The following CCDC150 variants were observed in gnomAD, a reference collection of about 807,000 sequenced individuals.
CCDC150 encodes coiled-coil domain-containing protein 150.
A neutral mutation model predicts 156.5 loss-of-function variants in CCDC150; 151 were observed. The ratio of observed to expected loss-of-function variants is 0.97; its 90% CI spans 0.85 to 1.10. CCDC150 has a LOEUF of 1.10. Ranked by LOEUF, CCDC150 falls within the 50% of genes least tolerant of loss-of-function variation. The probability of loss-of-function intolerance (pLI) is 0.00; values close to 1 mark genes in which losing one functional copy is unlikely to be tolerated. For synonymous variants in CCDC150, 452 were observed against 429.4 expected, an observed-to-expected ratio of 1.05 and a Z score of -0.65; for missense variants, 1,312 against 1,268.1, an observed-to-expected ratio of 1.03 and a Z score of -0.53.
chr2:196,712,358 T>C (rs1054257971), intron 16 of CCDC150, 106 bp downstream of exon 16: 4 of 643,422 alleles, frequency 6.2e-6, no homozygotes, highest in African/African-American at 5.5e-5. Flanking sequence ...AAGATAAATA[T>C]GCTGTCACTT....
rs376590781 is a variant in CCDC150 at position 196,666,794 on chromosome 2, CA to C, written c.849del (p.Glu284LysfsTer14). 36,162 of 917,042 alleles carry C rather than the reference CA, an allele frequency of 0.039. 7 individuals are homozygous for C. The highest frequency in any genetic ancestry group is 0.063 in the South Asian group (3,052 of 48,576). 56.8% of individuals were successfully genotyped at this position (917,042 alleles called of 1,614,324 possible). On this transcript the variant is annotated frameshift_variant, in exon 7 of 28. Coordinates refer to ENST00000389175, the MANE Select transcript of CCDC150 (RefSeq NM_001080539.2). LOFTEE classifies it high-confidence loss of function. ...CGCTCAAGAACTACTGGCCCAGGAA[CA>C]AAAAAAAAAAGAAGAGTTGGAGATT... ...QSAQELLAQE[Q>X]KKKEELEIAT... is the part of the protein sequence containing the mutation.
At chr2:196,665,245 T>C (rs1254265764) in intron 5 of CCDC150, among the ~76,000 whole-genome samples, 5 of 152,202 alleles carry the variant, frequency 3.3e-5, no homozygotes, top group Non-Finnish European at 7.3e-5. Flanking sequence ...ACTACTTGCA[T>C]GCACTCTGAT....
In CCDC150 at chr2:196,732,694, G is replaced by C; in HGVS notation, c.*132G>C. ...GATGTGGGCTGAAGATTTTGGACCT[G>C]AGTTTATCACTTTATGAACTCTTAT... On this transcript the variant is annotated 3_prime_UTR_variant, in exon 28 of 28. Coordinates refer to ENST00000389175, the MANE Select transcript of CCDC150 (RefSeq NM_001080539.2). 1 of 643,954 alleles carries C rather than the reference G, an allele frequency of 1.6e-6. No individual in the cohort carries two copies. Among genetic ancestry groups the C allele is most frequent in the Admixed American group, 2.6e-5 (1 of 38,458 alleles). The allele number at this position is 643,954 out of a possible 1,614,324, so 39.9% of individuals were successfully genotyped here.
intron 1 of CCDC150, among the ~76,000 whole-genome samples, chr2:196,644,491 G>A (rs927570550): frequency 4.6e-5 from 7 of 152,040 alleles, no homozygotes; most frequent in African/African-American, 7.2e-5. Flanking sequence ...AGGCTCTTTC[G>A]TTTACTACTT....
At chr2:196,695,304 T>A (rs1392251457) in intron 14 of CCDC150, 145 bp downstream of exon 14, 1 of 465,802 alleles carries the variant, frequency 2.1e-6, no homozygotes, top group Non-Finnish European at 3.9e-6. Context: ...ATTCAAACAA[T>A]AGTGATTTGA....
At chr2:196,665,713 T>G in intron 6 of CCDC150, 30 bp downstream of exon 6, 395 of 1,381,146 alleles carry the variant, frequency 2.9e-4, no homozygotes, top group Non-Finnish European at 3.5e-4. Flanking sequence ...TTATGTGGTT[T>G]GGGAAATGAA....
Position 196,656,840 on chromosome 2 carries a change from T to C in CCDC150, c.384T>C (p.Asn128=). ...GGCTGCAAACTGAAAAGGATTTGAA[T>C]CCTCAGAAAACAGGTATAGAGATAA... ...IFRLQTEKDL[N]PQKTAFLKDR... is the part of the protein sequence containing the mutation. Residue 128 remains asparagine, a synonymous_variant, in exon 3 of 28, where the codon AAT becomes AAC. Transcript: ENST00000389175. The C allele has an allele frequency of 6.2e-7, 1 of 1,613,842 alleles. No homozygotes were observed. The highest frequency in any genetic ancestry group is 8.5e-7 in the Non-Finnish European group (1 of 1,179,778).
intron 22 of CCDC150, among the ~76,000 whole-genome samples, chr2:196,728,333 T>G (rs1347679400): frequency 6.6e-6 from 1 of 152,202 alleles, no homozygotes; most frequent in Non-Finnish European, 1.5e-5. Context: ...AAGACTGTAG[T>G]GTAAAGTTAG....
At chr2:196,644,185 A>G (rs1575739183) in intron 1 of CCDC150, among the ~76,000 whole-genome samples, 1 of 152,034 alleles carries the variant, frequency 6.6e-6, no homozygotes, top group Non-Finnish European at 1.5e-5. Flanking sequence ...AATATATCAC[A>G]TGAGTGTGCC....
intron 15 of CCDC150, among the ~76,000 whole-genome samples, chr2:196,708,348 C>G (rs1239653425): frequency 6.6e-6 from 1 of 152,024 alleles, no homozygotes; most frequent in African/African-American, 2.4e-5. Context: ...TTCTTGGTTT[C>G]CATTTGCTTG....
rs1698578317 is a variant in CCDC150, at chr2:196,732,500, G to A, written c.3244G>A (p.Glu1082Lys). Reference sequence around the variant, plus strand: ...CAACCAATCTGTTCTGCATCGATGGGAGAGAAAACAGAATCTTAGGCCCAT... The same window carrying A: ...CAACCAATCTGTTCTGCATCGATGGAAGAGAAAACAGAATCTTAGGCCCAT... ...MSNQSVLHRW[E>K]RKQNLRPMPK... Residue 1082 changes from glutamate to lysine, a missense_variant, in exon 28 of 28, where the codon GAG (glutamate) becomes AAG (lysine). Coordinates refer to ENST00000389175, the MANE Select transcript of CCDC150 (RefSeq NM_001080539.2). 2 of 1,613,816 alleles carry A rather than the reference G, an allele frequency of 1.2e-6. No homozygotes were observed. The highest frequency in any genetic ancestry group is 1.7e-6 in the Non-Finnish European group (2 of 1,179,798).
rs1355483344 is a variant in CCDC150, at chr2:196,665,675, C to T, written c.754C>T (p.Arg252Ter). 5 of 1,573,010 alleles carry T rather than the reference C, an allele frequency of 3.2e-6. No individual in the cohort carries two copies. Among genetic ancestry groups the T allele is most frequent in the East Asian group, 2.3e-5 (1 of 43,522 alleles). The change falls in exon 6 of 28, where the codon CGA becomes TGA. Residue 252 changes from arginine (R) to a stop codon, truncating the protein, a stop_gained. Transcript: ENST00000389175. LOFTEE classifies it high-confidence loss of function. ...QEMGSTVEVERKQVHILQQNC... is the reference protein window; with the variant it reads ...QEMGSTVEVE The stretch of plus-strand genomic sequence containing the variant: ...AATGGGATCAACAGTGGAGGTAGAA[C>T]GAAAACAGGTAGAAAGATTTCTTCT...
chr2:196,713,621 G>A, intron 17 of CCDC150: 1 of 1,508,858 alleles, frequency 6.6e-7, no homozygotes, highest in Non-Finnish European at 8.8e-7. Flanking sequence ...AGGCAAAATA[G>A]AGATTCTAGC....
chr2:196,642,436 A>G (rs1692283632), intron 1 of CCDC150, among the ~76,000 whole-genome samples: 1 of 152,208 alleles, frequency 6.6e-6, no homozygotes, highest in African/African-American at 2.4e-5. Context: ...AGGACAGGCA[A>G]GGGTATGAGC....
chr2:196,649,194 A>G (rs997268987), intron 2 of CCDC150, among the ~76,000 whole-genome samples: 5 of 152,158 alleles, frequency 3.3e-5, no homozygotes, highest in Non-Finnish European at 7.4e-5. Context: ...TTTAATAGGG[A>G]TTGCCCTGAA....
chr2:196,705,822 T>G (rs938834966), intron 15 of CCDC150, among the ~76,000 whole-genome samples: 4 of 152,230 alleles, frequency 2.6e-5, no homozygotes, highest in Admixed American at 6.5e-5. Context: ...CTTTCCCCAT[T>G]TCTTGTTTTT....
rs781005030 is a variant in CCDC150 at position 196,718,665 on chromosome 2, T to C, written c.1995+34T>C. ...TCAGTCCCTTCTGACCGTCTGTCAC[T>C]GAGAAGAAGCACTTATGAAATCTTT... On this transcript the variant is annotated intron_variant, in intron 18 of 27. Coordinates refer to ENST00000389175, the MANE Select transcript of CCDC150 (RefSeq NM_001080539.2). 1.9e-6 allele frequency: 3 copies of C among 1,605,968 alleles called. No individual in the cohort carries two copies. The East Asian group carries it at 6.7e-5, about 36-fold the overall frequency.
chr2:196,656,951 C>A lies in CCDC150; in HGVS notation c.398-7C>A. 1 of 1,613,068 alleles carries A rather than the reference C, an allele frequency of 6.2e-7. No homozygotes were observed. The highest frequency in any genetic ancestry group is 1.1e-5 in the South Asian group (1 of 90,944). ...CTGCTTGATGCCCCTCCTGTGCGGTCTGGTAGCTTTTCTGAAAGATCGACT... is the reference window on the plus strand; with the variant it reads ...CTGCTTGATGCCCCTCCTGTGCGGTATGGTAGCTTTTCTGAAAGATCGACT... On this transcript the variant is annotated splice_polypyrimidine_tract_variant and splice_region_variant and intron_variant, in intron 3 of 27. Coordinates refer to ENST00000389175, the MANE Select transcript of CCDC150 (RefSeq NM_001080539.2).
chr2:196,654,203 G>C (rs1418350080), intron 2 of CCDC150, among the ~76,000 whole-genome samples: 1 of 152,170 alleles, frequency 6.6e-6, no homozygotes, highest in African/African-American at 2.4e-5. Flanking sequence ...CTATGTAAGT[G>C]TCTAAGTATG....
Sources: allele counts gnomAD v4.1 joint callset (sites outside exome capture counted in the v4.1 genomes callset), GRCh38; gene constraint gnomAD v4.1.1; transcripts MANE v1.5; gene names NCBI Gene and HGNC (gene_info 2026-07-23, HGNC 2026-07-21).